Variants in USP28 observed in about 807,000 individuals in gnomAD.
The protein encoded by USP28 is ubiquitin carboxyl-terminal hydrolase 28.
USP28 carries 113 observed loss-of-function variants against 145.0 expected under a neutral mutation model. The observed-to-expected ratio is 0.78, with a 90% CI of 0.67 to 0.91. The LOEUF is 0.91. Among genes scored for constraint, USP28 ranks in the 40% least tolerant of loss-of-function variants. The pLI, the probability that USP28 is intolerant of heterozygous loss-of-function variation, is 0.00. For synonymous variants in USP28, 447 were observed against 450.9 expected, an observed-to-expected ratio of 0.99 and a Z score of 0.11; for missense variants, 1,201 against 1,289.6, an observed-to-expected ratio of 0.93 and a Z score of 1.05.
At chr11:113,866,335 C>G (rs1420837295) in intron 1 of USP28, among the ~76,000 whole-genome samples, 2 of 151,956 alleles carry the variant, frequency 1.3e-5, no homozygotes, top group Non-Finnish European at 2.9e-5. Context: ...TACAAATTAT[C>G]AAGAAAGTGA....
rs544933769 is a variant in USP28, at chr11:113,839,101, G to A, written c.534+1497C>T. 2.0e-5 allele frequency among the ~76,000 whole-genome samples: 3 copies of A among 152,300 alleles called. No individual in the cohort carries two copies. In the East Asian group the frequency reaches 5.8e-4, roughly 29 times the overall value. On this transcript the variant is annotated intron_variant, in intron 5 of 24. Transcript: ENST00000003302. ...TTTCCAAAACTGTATCTAGAGCCCA[G>A]CACTTTTTCTGAAGTACAGATTCAT...
intron 1 of USP28, among the ~76,000 whole-genome samples, chr11:113,867,656 A>G (rs1435520100): frequency 6.6e-6 from 1 of 151,894 alleles, no homozygotes; most frequent in Non-Finnish European, 1.5e-5. Context: ...TGTGCCCAGG[A>G]TTTTCAAACA....
intron 1 of USP28, among the ~76,000 whole-genome samples, chr11:113,870,157 C>T (rs1044337869): frequency 6.6e-5 from 10 of 151,922 alleles, no homozygotes; most frequent in East Asian, 1.9e-4. Context: ...AGCGAAACTC[C>T]GTCTCAAAAA....
chr11:113,872,131 T>C (rs1335799367), intron 1 of USP28, among the ~76,000 whole-genome samples: 1 of 152,246 alleles, frequency 6.6e-6, no homozygotes, highest in African/African-American at 2.4e-5. Flanking sequence ...TTATTTTCCT[T>C]GTTAAGTACT....
intron 16 of USP28, among the ~76,000 whole-genome samples, chr11:113,809,797 C>T (rs140756063): frequency 0.018 from 2,752 of 152,250 alleles, 28 homozygotes; most frequent in Non-Finnish European, 0.029. Context: ...CTTTGGGAGG[C>T]CAAGGCAGGC....
At chr11:113,812,415 C>A in exon 16 of USP28, 12 of 1,614,154 alleles carry the variant, frequency 7.4e-6, no homozygotes, top group Non-Finnish European at 9.3e-6. Flanking sequence ...TGAGCCAGCT[C>A]TGTCGGGGTT....
intron 5 of USP28, among the ~76,000 whole-genome samples, chr11:113,839,247 C>G (rs1944924218): frequency 6.6e-6 from 1 of 152,132 alleles, no homozygotes; most frequent in Admixed American, 6.5e-5. Flanking sequence ...TAGTTAAGAC[C>G]ATAGCATACA....
chr11:113,867,089 A>T (rs552333735), intron 1 of USP28, among the ~76,000 whole-genome samples: 1 of 152,310 alleles, frequency 6.6e-6, no homozygotes, highest in South Asian at 2.1e-4. Context: ...CTAATACGTA[A>T]ATCTAGAGAC....
In USP28 at chr11:113,799,425, G is replaced by A. The variant is rs775747799; in HGVS notation, c.3059-10C>T. ...CACAGCTGCAGATTTTCTGTGGAGG[G>A]AAAACAGATGGTTACATATACAGCT... On this transcript the variant is annotated splice_polypyrimidine_tract_variant and intron_variant, in intron 24 of 24. Coordinates refer to ENST00000003302, the Ensembl canonical transcript of USP28. 10 of 1,609,896 alleles carry A rather than the reference G, an allele frequency of 6.2e-6. No homozygotes were observed. Among genetic ancestry groups the A allele is most frequent in the Admixed American group, 1.7e-5 (1 of 59,518 alleles).
rs754995445 is a variant in USP28 at position 113,813,910 on chromosome 11, A to G, written c.1718T>C (p.Met573Thr). 6.8e-6 allele frequency: 11 copies of G among 1,612,968 alleles called. No homozygotes were observed. The South Asian group carries it at 7.7e-5, about 11-fold the overall frequency. ...CTGACGAAGGAGAGGATCGCAGTAC[A>G]TCTGTTCAATAGTCTGAGTAGTACT... The change falls in exon 15 of 25, where the codon ATG (methionine) becomes ACG (threonine). Residue 573 changes from methionine (M) to threonine (T), a missense_variant. Coordinates refer to ENST00000003302, the Ensembl canonical transcript of USP28.
chr11:113,859,027 TA>T (rs1373364546), intron 1 of USP28, among the ~76,000 whole-genome samples: 2 of 152,306 alleles, frequency 1.3e-5, no homozygotes, highest in African/African-American at 4.8e-5. Flanking sequence ...AACTAACATT[TA>T]TTGAACAACT....
intron 5 of USP28, chr11:113,835,242 G>C (rs748913118): frequency 4.4e-6 from 2 of 454,854 alleles, no homozygotes; most frequent in South Asian, 3.1e-5. Context: ...AATATCTCCT[G>C]TATGAATATA....
chr11:113,835,432 A>C, intron 5 of USP28: 1 of 448,674 alleles, frequency 2.2e-6, no homozygotes, highest in Non-Finnish European at 4.5e-6. Context: ...AAAGAATCCA[A>C]GTGTCGGTAC....
At chr11:113,839,834 C>A (rs939836348) in intron 5 of USP28, among the ~76,000 whole-genome samples, 3 of 152,092 alleles carry the variant, frequency 2.0e-5, no homozygotes, top group African/African-American at 7.2e-5. Context: ...ACCAGCCTGA[C>A]CAACATGATG....
Position 113,840,763 on chromosome 11 carries a change from TTGTG to T in USP28, c.375-10_375-7del, listed in dbSNP as rs1945107118. On this transcript the variant is annotated splice_polypyrimidine_tract_variant and splice_region_variant and intron_variant, in intron 4 of 24. Transcript: ENST00000003302. ...CAGAGGTTGCTTCATGCATCCTATA[TTGTG>T]CAGCGTGCCACACAGCAAAAAAGAA... is the stretch of plus-strand genomic sequence containing the variant. 2.4e-4 allele frequency: 394 copies of T among 1,611,618 alleles called. No homozygotes were observed. In the African/African-American group the frequency reaches 4.8e-3, roughly 20 times the overall value.
chr11:113,805,393 C>G (rs887870174), intron 19 of USP28, among the ~76,000 whole-genome samples: 4 of 151,730 alleles, frequency 2.6e-5, no homozygotes, highest in Non-Finnish European at 5.9e-5. Context: ...GTAGCTGGGA[C>G]TACAGGCATA....
chr11:113,868,622 C>T (rs567540309), intron 1 of USP28, among the ~76,000 whole-genome samples: 2 of 151,802 alleles, frequency 1.3e-5, no homozygotes, highest in Non-Finnish European at 2.9e-5. Flanking sequence ...AAATCTCATA[C>T]GAATAAAGAA....
At position 113,854,931 on chromosome 11, in the gene USP28, T is replaced by A. The variant is rs1946881998; in HGVS notation, c.58-596A>T. 2.0e-5 allele frequency among the ~76,000 whole-genome samples: 3 copies of A among 152,340 alleles called. No individual in the cohort carries two copies. In the South Asian group the frequency reaches 6.2e-4, roughly 32 times the overall value. On this transcript the variant is annotated intron_variant, in intron 1 of 24. Coordinates refer to ENST00000003302, the Ensembl canonical transcript of USP28. ...AAAGTTCTCCAGGTTTTTCTTTTGG[T>A]AGGCAGTGCATTAAGTAGGGCATAT...
At chr11:113,867,558 C>T (rs1219714681) in intron 1 of USP28, among the ~76,000 whole-genome samples, 1 of 151,420 alleles carries the variant, frequency 6.6e-6, no homozygotes, top group Non-Finnish European at 1.5e-5. Context: ...ATAAATTTTG[C>T]CTCAATTGAA....
Sources: gnomAD v4.1 joint callset for allele counts (sites outside exome capture counted in the v4.1 genomes callset) on GRCh38, gnomAD v4.1.1 for gene constraint, MANE v1.5 for transcripts, NCBI Gene and HGNC (gene_info 2026-07-23, HGNC 2026-07-21) for gene names.